Variants in COL4A2 observed in about 807,000 individuals in gnomAD.
The protein encoded by COL4A2 is collagen alpha-2(IV) chain.
In COL4A2, 99 loss-of-function variants were observed where a neutral mutation model predicts 200.2. The ratio of observed to expected loss-of-function variants is 0.49; its 90% CI spans 0.42 to 0.58. The LOEUF (loss-of-function observed/expected upper bound fraction) is 0.58, where lower values mean the gene tolerates loss of function less well. Among genes scored for constraint, COL4A2 ranks in the 20% least tolerant of loss-of-function variants. The pLI, the probability that COL4A2 is intolerant of heterozygous loss-of-function variation, is 0.00. For missense variants in COL4A2, 1,950 were observed against 2,314.1 expected (o/e 0.84, Z 3.23); for synonymous variants, 897 against 900.6 (o/e 1.00, Z 0.07).
At chr13:110,445,918 G>T in intron 17 of COL4A2, 36 bp downstream of exon 17, 1 of 1,612,846 alleles carries the variant, frequency 6.2e-7, no homozygotes, top group East Asian at 2.2e-5. Flanking sequence ...CACTTATGGT[G>T]TCTCGCCCAC....
intron 22 of COL4A2, chr13:110,459,523 C>G (rs1472730987): frequency 1.5e-5 from 2 of 131,028 alleles, no homozygotes; most frequent in East Asian, 4.4e-4. Context: ...AATGTCCACA[C>G]AGGCAACCTA....
At chr13:110,472,342 C>G (rs567075253) in intron 28 of COL4A2, among the ~76,000 whole-genome samples, 1 of 152,184 alleles carries the variant, frequency 6.6e-6, no homozygotes, top group East Asian at 1.9e-4. Flanking sequence ...GTCTCGATCT[C>G]CTGACCTCGT....
At chr13:110,308,497 G>A (rs1884872257) in intron 3 of COL4A2, among the ~76,000 whole-genome samples, 3 of 152,152 alleles carry the variant, frequency 2.0e-5, no homozygotes, top group African/African-American at 7.2e-5. Flanking sequence ...AGTTTTCCTG[G>A]AACTCGGGAG....
rs117569411 is a variant in COL4A2, at chr13:110,358,363, C to T, written c.180+811C>T. ...GGGGCAATAACACGCATGGAGCCGT[C>T]ATCCCCTCTGGGAACAATGCCTGCT... On this transcript the variant is annotated intron_variant, in intron 4 of 47. Coordinates refer to ENST00000360467, the MANE Select transcript of COL4A2 (RefSeq NM_001846.4). Among the ~76,000 whole-genome samples, 27 of 152,338 alleles carry T rather than the reference C, an allele frequency of 1.8e-4. No individual in the cohort carries two copies. In the East Asian group the frequency reaches 5.0e-3, roughly 28 times the overall value.
In COL4A2 at chr13:110,510,977, G is replaced by GT. The variant is rs971625287; in HGVS notation, c.4882-948dup. Among the ~76,000 whole-genome samples the GT allele has an allele frequency of 2.0e-4, 30 of 151,634 alleles. 1 individual carries two copies. In the South Asian group the frequency reaches 2.5e-3, roughly 13 times the overall value. The stretch of plus-strand genomic sequence containing the variant: ...CAGAACACTTTTTAAAGGTTTTTGG[G>GT]TTTTTTTTTGTATTTAAAGGAAAGC... On this transcript the variant is annotated intron_variant, in intron 47 of 47. Transcript: ENST00000360467.
At chr13:110,336,682 G>C (rs1876206916) in intron 3 of COL4A2, among the ~76,000 whole-genome samples, 2 of 152,176 alleles carry the variant, frequency 1.3e-5, no homozygotes, top group Non-Finnish European at 2.9e-5. Context: ...GGACCTCAGG[G>C]GGTGGCATCT....
chr13:110,504,103 G>A, intron 44 of COL4A2, 45 bp from the exon 45 acceptor site: 3 of 1,600,514 alleles, frequency 1.9e-6, no homozygotes, highest in Non-Finnish European at 2.6e-6. Context: ...GGCCGTGCCA[G>A]GCGTGGTCAG....
rs886049977 is a variant in COL4A2 at position 110,489,431 on chromosome 13, A to G, written c.3208-14A>G. 11 of 1,613,956 alleles carry G rather than the reference A, an allele frequency of 6.8e-6. No individual in the cohort carries two copies. Among genetic ancestry groups the G allele is most frequent in the Non-Finnish European group, 9.3e-6 (11 of 1,179,856 alleles). On this transcript the variant is annotated splice_polypyrimidine_tract_variant and intron_variant, in intron 34 of 47. Coordinates refer to ENST00000360467, the MANE Select transcript of COL4A2 (RefSeq NM_001846.4). ...CGCTAACAGCCTTCTAAGATGGTTC[A>G]TGTCTGTCTTTAGGGTGACAAAGGT...
intron 3 of COL4A2, among the ~76,000 whole-genome samples, chr13:110,355,337 CT>C (rs1877154878): frequency 9.8e-6 from 1 of 101,998 alleles, no homozygotes; most frequent in Non-Finnish European, 1.7e-5. Flanking sequence ...GAGGGCTGCA[CT>C]AGCTCACCTG....
intron 14 of COL4A2, 128 bp from the exon 15 acceptor site, chr13:110,438,490 C>T (rs371781147): frequency 4.3e-5 from 54 of 1,262,880 alleles, no homozygotes; most frequent in East Asian, 3.9e-4. Context: ...AGTTGAGCAT[C>T]GCCAGGCGGT....
chr13:110,335,535 G>A (rs1422635727), intron 3 of COL4A2, among the ~76,000 whole-genome samples: 2 of 152,198 alleles, frequency 1.3e-5, no homozygotes, highest in Non-Finnish European at 2.9e-5. Flanking sequence ...ACATGGAACT[G>A]TGAGTCCTTT....
rs1880551358 is a variant in COL4A2 at position 110,428,500 on chromosome 13, C to T, written c.394C>T (p.Pro132Ser). The T allele has an allele frequency of 6.3e-7, 1 of 1,584,990 alleles. No homozygotes were observed. Among genetic ancestry groups the T allele is most frequent in the African/African-American group, 1.4e-5 (1 of 72,480 alleles). The change falls in exon 7 of 48, where the codon CCG becomes TCG. Residue 132 changes from proline to serine, a missense_variant. Physicochemically the swap from Pro to Ser is moderately conservative, Grantham distance 74. Coordinates refer to ENST00000360467, the MANE Select transcript of COL4A2 (RefSeq NM_001846.4). Reference protein sequence around the residue: ...HPGQGGPRGRPGYDGCNGTQG... With the variant: ...HPGQGGPRGRSGYDGCNGTQG... ...GGGGCAAGGTGGGCCCAGGGGAAGG[C>T]CGGGCTACGATGGCTGCAACGGAAC... is the stretch of plus-strand genomic sequence containing the variant.
At chr13:110,500,560 T>G (rs545666539) in intron 40 of COL4A2, among the ~76,000 whole-genome samples, 1 of 152,344 alleles carries the variant, frequency 6.6e-6, no homozygotes, top group South Asian at 2.1e-4. Flanking sequence ...CTCCTACTAG[T>G]GCCAAAGAGC....
chr13:110,370,295 A>T (rs1877946155), intron 4 of COL4A2, among the ~76,000 whole-genome samples: 1 of 151,616 alleles, frequency 6.6e-6, no homozygotes, highest in African/African-American at 2.4e-5. Flanking sequence ...ACAAAGTCTC[A>T]CTCTGTCTCC....
intron 13 of COL4A2, among the ~76,000 whole-genome samples, chr13:110,437,066 C>T (rs1002853256): frequency 2.5e-4 from 38 of 152,204 alleles, no homozygotes; most frequent in Admixed American, 2.5e-3. Context: ...AAAATAGAAA[C>T]CCCAAACGGG....
chr13:110,470,981 G>T (rs139893982), intron 28 of COL4A2, among the ~76,000 whole-genome samples: 5 of 152,132 alleles, frequency 3.3e-5, no homozygotes, highest in African/African-American at 1.2e-4. Flanking sequence ...CTCTGCATTC[G>T]AATGAAGCAA....
rs199536398 is a variant in COL4A2, at chr13:110,503,127, G to A, written c.3884G>A (p.Arg1295Gln). 7.7e-5 allele frequency: 124 copies of A among 1,613,290 alleles called. No individual in the cohort carries two copies. The highest frequency in any genetic ancestry group is 1.0e-4 in the Non-Finnish European group (121 of 1,179,866). ...TTGTCCCTAATGCCAACAGGTTATCGGGGCCCACCAGGGCCACCAGGTTCT... is the reference window on the plus strand; with the variant it reads ...TTGTCCCTAATGCCAACAGGTTATCAGGGCCCACCAGGGCCACCAGGTTCT... ...APGIFGLKGY[R>Q]GPPGPPGSAA... Residue 1295 changes from arginine to glutamine, a missense_variant, in exon 42 of 48, where the codon CGG becomes CAG. Physicochemically the swap from Arg to Gln is conservative, Grantham distance 43 (BLOSUM62 1). Transcript: ENST00000360467.
intron 40 of COL4A2, among the ~76,000 whole-genome samples, chr13:110,500,767 T>C (rs990246422): frequency 6.6e-6 from 1 of 152,200 alleles, no homozygotes; most frequent in African/African-American, 2.4e-5. Flanking sequence ...AACGGCACCT[T>C]GTTTAGTGTG....
chr13:110,428,719 C>T (rs1341834200), intron 7 of COL4A2, 136 bp downstream of exon 7: 6 of 449,914 alleles, frequency 1.3e-5, no homozygotes, highest in South Asian at 1.2e-4. Flanking sequence ...CAAGACATGA[C>T]GTTTCTGGAT....
Sources: gnomAD v4.1 joint callset for allele counts (sites outside exome capture counted in the v4.1 genomes callset) on GRCh38, gnomAD v4.1.1 for gene constraint, MANE v1.5 for transcripts, NCBI Gene and HGNC (gene_info 2026-07-23, HGNC 2026-07-21) for gene names.